The following ASB4 variants were observed in gnomAD, a reference collection of about 807,000 sequenced individuals.
ASB4 encodes ankyrin repeat and SOCS box containing 4.
Under a neutral mutation model 38.6 loss-of-function variants are expected in ASB4, and 35 were observed. The ratio of observed to expected loss-of-function variants is 0.91; its 90% CI spans 0.69 to 1.20. ASB4 has a LOEUF of 1.20. Among genes scored for constraint, ASB4 ranks in the 50% most tolerant of loss-of-function variants. The probability of loss-of-function intolerance (pLI) is 0.00; values close to 1 mark genes in which losing one functional copy is unlikely to be tolerated. For missense variants in ASB4, 557 were observed against 527.2 expected (o/e 1.06, Z -0.55); for synonymous variants, 195 against 201.3 (o/e 0.97, Z 0.26).
upstream of ASB4, among the ~76,000 whole-genome samples, chr7:95,475,016 C>G (rs1789962931): frequency 6.6e-6 from 1 of 151,974 alleles, no homozygotes; most frequent in African/African-American, 2.4e-5. Context: ...CTTTCTATAC[C>G]CTGGCAAATG....
chr7:95,532,073 A>C (rs1329864104), intron 3 of ASB4, among the ~76,000 whole-genome samples: 1 of 152,162 alleles, frequency 6.6e-6, no homozygotes, highest in African/African-American at 2.4e-5. Context: ...AGTAAAGAAA[A>C]ACTATTCAAT....
the ASB4 span, among the ~76,000 whole-genome samples, chr7:95,470,917 T>G: frequency 6.6e-6 from 1 of 152,224 alleles, no homozygotes; most frequent in African/African-American, 2.4e-5. Flanking sequence ...ACTCTCCGGG[T>G]GGTTCCCTGT....
the ASB4 span, among the ~76,000 whole-genome samples, chr7:95,551,126 G>A: frequency 9.5e-4 from 144 of 152,152 alleles, 1 homozygote; most frequent in African/African-American, 3.1e-3. Context: ...GACTACAAGC[G>A]CATGCCACCA....
intron 1 of ASB4, among the ~76,000 whole-genome samples, chr7:95,490,366 A>C (rs190318177): frequency 6.4e-4 from 97 of 152,190 alleles, no homozygotes; most frequent in African/African-American, 2.0e-3. Flanking sequence ...TTTTTCTTTT[A>C]CATTTTACAC....
chr7:95,525,411 T>A (rs1312475542), intron 2 of ASB4, among the ~76,000 whole-genome samples: 1 of 152,132 alleles, frequency 6.6e-6, no homozygotes. Flanking sequence ...AATCACAAAA[T>A]CTAAAATAAA....
intron 3 of ASB4, among the ~76,000 whole-genome samples, chr7:95,533,416 G>T (rs1790845856): frequency 1.3e-5 from 2 of 152,140 alleles, no homozygotes; most frequent in African/African-American, 4.8e-5. Context: ...GATGAGGACA[G>T]GGCAGCCCTA....
At chr7:95,470,956 T>C in the ASB4 span, among the ~76,000 whole-genome samples, 3 of 152,202 alleles carry the variant, frequency 2.0e-5, no homozygotes, top group Admixed American at 6.5e-5. Context: ...TTTTACTTTG[T>C]TTTCCTTCAG....
intron 3 of ASB4, among the ~76,000 whole-genome samples, chr7:95,529,062 G>A (rs1343729204): frequency 6.6e-6 from 1 of 152,148 alleles, no homozygotes; most frequent in African/African-American, 2.4e-5. Flanking sequence ...ATATGACTAA[G>A]ACATGGGACG....
At chr7:95,522,270 A>G (rs1007603796) in intron 2 of ASB4, among the ~76,000 whole-genome samples, 2 of 152,262 alleles carry the variant, frequency 1.3e-5, no homozygotes, top group Admixed American at 1.3e-4. Flanking sequence ...TTAGAACTTT[A>G]CCAATAATTT....
chr7:95,476,520 A>C (rs1789978843), upstream of ASB4, among the ~76,000 whole-genome samples: 1 of 152,322 alleles, frequency 6.6e-6, no homozygotes. Context: ...TGGAGCAATC[A>C]AGGGGCAGCT....
At chr7:95,514,964 C>T (rs891332883) in intron 2 of ASB4, among the ~76,000 whole-genome samples, 1 of 152,174 alleles carries the variant, frequency 6.6e-6, no homozygotes, top group East Asian at 1.9e-4. Flanking sequence ...TGTTCTAAAC[C>T]TTTATGTAGC....
intron 2 of ASB4, among the ~76,000 whole-genome samples, chr7:95,499,603 G>T (rs1475045376): frequency 1.3e-5 from 2 of 152,160 alleles, no homozygotes; most frequent in East Asian, 3.9e-4. Flanking sequence ...TGGGTGGTAA[G>T]AAACCAGAGA....
chr7:95,495,439 A>G (rs1346355813), intron 1 of ASB4, among the ~76,000 whole-genome samples: 1 of 152,188 alleles, frequency 6.6e-6, no homozygotes, highest in Non-Finnish European at 1.5e-5. Context: ...ATACAATTAC[A>G]TAAATGAAGA....
chr7:95,538,972 GT>G lies in ASB4; in HGVS notation c.*1214del, dbSNP rs980095009. 8 of 152,148 alleles carry G rather than the reference GT, an allele frequency of 5.3e-5. No homozygotes were observed. The highest frequency in any genetic ancestry group is 1.9e-4 in the African/African-American group (8 of 41,434). The allele number at this position is 152,148 out of a possible 1,614,324, so 9.4% of individuals were successfully genotyped here. Reference sequence around the variant, plus strand: ...GTTTGAGAAACTTGGGAAGATTAGTGTGTTAATCAGGCTTGCTAGTTAGTGG... The same window carrying G: ...GTTTGAGAAACTTGGGAAGATTAGTGGTTAATCAGGCTTGCTAGTTAGTGG... On this transcript the variant is annotated 3_prime_UTR_variant, in exon 5 of 5. Transcript: ENST00000325885.
At chr7:95,540,306 A>G (rs889240689), downstream of ASB4, 2 of 152,166 alleles carry the variant, frequency 1.3e-5, no homozygotes, top group African/African-American at 4.8e-5. Flanking sequence ...ACACTGAAGA[A>G]CTCTACACAT....
At chr7:95,515,202 TTTC>T (rs1790545576) in intron 2 of ASB4, among the ~76,000 whole-genome samples, 2 of 130,158 alleles carry the variant, frequency 1.5e-5, no homozygotes, top group African/African-American at 7.0e-5. Flanking sequence ...TCTTTCTTTC[TTTC>T]TTTCTTTCTT....
rs146416403 is a variant in ASB4 at position 95,528,153 on chromosome 7, C to T, written c.828C>T (p.Ala276=). ...TGCACATGATGCTGGAAGCTGGCGC[C>T]GAAGCCAATCTCATGGATATCAACG... is the stretch of plus-strand genomic sequence containing the variant. The part of the protein sequence containing the change: ...VLMHMMLEAG[A]EANLMDINGC... Residue 276 remains alanine, a synonymous_variant, in exon 3 of 5, where the codon GCC becomes GCT. Coordinates refer to ENST00000325885, the MANE Select transcript of ASB4 (RefSeq NM_016116.3). 5 of 1,614,182 alleles carry T rather than the reference C, an allele frequency of 3.1e-6. No homozygotes were observed. The highest frequency in any genetic ancestry group is 4.2e-6 in the Non-Finnish European group (5 of 1,180,026).
intron 2 of ASB4, among the ~76,000 whole-genome samples, chr7:95,505,485 A>AGAC (rs1790394755): frequency 6.6e-6 from 1 of 152,200 alleles, no homozygotes; most frequent in African/African-American, 2.4e-5. Flanking sequence ...ATGTAGTACT[A>AGAC]GATTATTCCT....
At chr7:95,492,595 G>A (rs191694848) in intron 1 of ASB4, among the ~76,000 whole-genome samples, 1 of 152,324 alleles carries the variant, frequency 6.6e-6, no homozygotes, top group African/African-American at 2.4e-5. Context: ...CTAACATTCT[G>A]TGTTTCTTTG....
Sources: allele counts gnomAD v4.1 joint callset (sites outside exome capture counted in the v4.1 genomes callset), GRCh38; gene constraint gnomAD v4.1.1; transcripts MANE v1.5; gene names NCBI Gene and HGNC (gene_info 2026-07-23, HGNC 2026-07-21).